VSTM2L: variants seen among roughly 807,000 people sequenced by gnomAD.
VSTM2L encodes the protein V-set and transmembrane domain containing 2 like, also known as V-set and transmembrane domain-containing protein 2-like protein.
A neutral mutation model predicts 19.9 loss-of-function variants in VSTM2L; 9 were observed. The observed-to-expected ratio is 0.45, with a 90% CI of 0.27 to 0.79. The LOEUF (loss-of-function observed/expected upper bound fraction) is 0.79, where lower values mean the gene tolerates loss of function less well. VSTM2L is among the 30% of genes least tolerant of loss of function. VSTM2L has a pLI of 0.15. For synonymous variants in VSTM2L, 127 were observed against 133.8 expected (o/e 0.95, Z 0.35); for missense variants, 286 against 295.5 (o/e 0.97, Z 0.24).
chr20:37,921,177 A>C (rs959029090), intron 1 of VSTM2L, among the ~76,000 whole-genome samples: 7 of 152,190 alleles, frequency 4.6e-5, no homozygotes, highest in Admixed American at 4.6e-4. Context: ...CAGGGCTTCC[A>C]CCCTAGCCTG....
At chr20:37,920,638 T>C (rs1355145478) in intron 1 of VSTM2L, among the ~76,000 whole-genome samples, 1 of 152,114 alleles carries the variant, frequency 6.6e-6, no homozygotes, top group Non-Finnish European at 1.5e-5. Flanking sequence ...AGAGGGACAG[T>C]GGGGAGGAGG....
At chr20:37,905,708 G>A (rs555892827) in intron 1 of VSTM2L, among the ~76,000 whole-genome samples, 2 of 152,146 alleles carry the variant, frequency 1.3e-5, no homozygotes, top group African/African-American at 4.8e-5. Flanking sequence ...ACATTGCCAG[G>A]TTCAAAGTCA....
intron 3 of VSTM2L, among the ~76,000 whole-genome samples, chr20:37,935,858 CA>C (rs2122973117): frequency 6.6e-6 from 1 of 151,108 alleles, no homozygotes; most frequent in South Asian, 2.1e-4. Flanking sequence ...ACGCCCAGGC[CA>C]ATGTGTGTGT....
intron 3 of VSTM2L, 75 bp downstream of exon 3, chr20:37,933,664 C>G: frequency 7.0e-7 from 1 of 1,432,884 alleles, no homozygotes; most frequent in Non-Finnish European, 9.7e-7. Flanking sequence ...AATTGGGGTC[C>G]AGTTCAGCAG....
chr20:37,944,442 C>T lies in VSTM2L; in HGVS notation c.*189C>T. Reference sequence around the variant, plus strand: ...TAAGCCCCACCCACCCCTGCCCTTTCAGACCCCTGCGGTGACCTGGCTCGG... The same window carrying T: ...TAAGCCCCACCCACCCCTGCCCTTTTAGACCCCTGCGGTGACCTGGCTCGG... On this transcript the variant is annotated 3_prime_UTR_variant, in exon 4 of 4. Coordinates refer to ENST00000373461, the MANE Select transcript of VSTM2L (RefSeq NM_080607.3). 1.7e-6 allele frequency: 1 copy of T among 603,668 alleles called. No individual in the cohort carries two copies. The highest frequency in any genetic ancestry group is 2.5e-6 in the Non-Finnish European group (1 of 395,354). The allele number at this position is 603,668 out of a possible 1,614,324, so 37.4% of individuals were successfully genotyped here.
chr20:37,916,942 T>C (rs2072821953), intron 1 of VSTM2L, among the ~76,000 whole-genome samples: 1 of 152,042 alleles, frequency 6.6e-6, no homozygotes, highest in South Asian at 2.1e-4. Flanking sequence ...AGTTTCCTTC[T>C]GGGGGGAAGA....
chr20:37,919,102 G>A (rs1166926281), intron 1 of VSTM2L, among the ~76,000 whole-genome samples: 3 of 152,290 alleles, frequency 2.0e-5, no homozygotes, highest in South Asian at 4.1e-4. Context: ...AGCCTGGCAC[G>A]GGGCCTGGCT....
chr20:37,944,315 G>T lies in VSTM2L; in HGVS notation c.*62G>T. The T allele has an allele frequency of 7.4e-7, 1 of 1,347,316 alleles. No individual in the cohort carries two copies. Among genetic ancestry groups the T allele is most frequent in the Admixed American group, 3.1e-5 (1 of 32,142 alleles). The allele number at this position is 1,347,316 out of a possible 1,614,324, so 83.5% of individuals were successfully genotyped here. On this transcript the variant is annotated 3_prime_UTR_variant, in exon 4 of 4. Coordinates refer to ENST00000373461, the MANE Select transcript of VSTM2L (RefSeq NM_080607.3). ...TGTACAGAGTGCATGAGGAGCCGCC[G>T]GACCACCGGGGACCGACTGCCTGCG...
intron 1 of VSTM2L, among the ~76,000 whole-genome samples, chr20:37,926,512 G>C (rs572236996): frequency 6.6e-6 from 1 of 152,288 alleles, no homozygotes; most frequent in South Asian, 2.1e-4. Context: ...CAGCACTCTA[G>C]CCTGGCGAAA....
intron 3 of VSTM2L, among the ~76,000 whole-genome samples, chr20:37,940,047 G>T (rs931139851): frequency 2.0e-5 from 3 of 152,184 alleles, no homozygotes; most frequent in African/African-American, 7.2e-5. Context: ...GCTGGGCCTC[G>T]CTTGGTGCTC....
chr20:37,941,088 G>A (rs1287776398), intron 3 of VSTM2L, among the ~76,000 whole-genome samples: 3 of 152,184 alleles, frequency 2.0e-5, no homozygotes, highest in African/African-American at 7.2e-5. Flanking sequence ...AAGGTCATGG[G>A]GTGGGTCCCT....
chr20:37,913,032 C>T (rs1485391610), intron 1 of VSTM2L, among the ~76,000 whole-genome samples: 2 of 152,114 alleles, frequency 1.3e-5, no homozygotes, highest in African/African-American at 2.4e-5. Flanking sequence ...CAGCTCTCTT[C>T]GATGACATCT....
rs539309754 is a variant in VSTM2L at position 37,925,828 on chromosome 20, C to G, written c.122-5807C>G. On this transcript the variant is annotated intron_variant, in intron 1 of 3. Transcript: ENST00000373461. ...CGCTTGGCTCCCATGAGGCCTTGAA[C>G]CTGCTTCTCTCCCTGTCCTCCTACC... Among the ~76,000 whole-genome samples, 401 of 152,284 alleles carry G rather than the reference C, an allele frequency of 2.6e-3. 6 individuals are homozygous for G. The highest frequency in any genetic ancestry group is 2.3e-3 in the Non-Finnish European group (156 of 68,012).
intron 1 of VSTM2L, among the ~76,000 whole-genome samples, chr20:37,926,563 T>C (rs2072880467): frequency 1.3e-5 from 2 of 152,106 alleles, no homozygotes; most frequent in African/African-American, 2.4e-5. Context: ...AAAAGAGAAA[T>C]ATTTAGGTTG....
intron 1 of VSTM2L, among the ~76,000 whole-genome samples, chr20:37,923,787 C>G (rs997217703): frequency 6.6e-6 from 1 of 152,082 alleles, no homozygotes; most frequent in African/African-American, 2.4e-5. Flanking sequence ...CACTTAGAGC[C>G]CTCTAGAACT....
At position 37,932,532 on chromosome 20, in the gene VSTM2L, C is replaced by T. The variant is rs139036053; in HGVS notation, c.291+728C>T. Among the ~76,000 whole-genome samples the T allele has an allele frequency of 1.5e-3, 227 of 152,256 alleles. 2 individuals carry two copies. The highest frequency in any genetic ancestry group is 5.2e-3 in the African/African-American group (217 of 41,526). The stretch of plus-strand genomic sequence containing the variant: ...CAAAGTTGGAGGATGAATGCCTCAG[C>T]TCCCTCGCCCTTAGCTGGGACAACC... On this transcript the variant is annotated intron_variant, in intron 2 of 3. Coordinates refer to ENST00000373461, the MANE Select transcript of VSTM2L (RefSeq NM_080607.3).
At chr20:37,933,782 C>CA (rs1333723212) in intron 3 of VSTM2L, among the ~76,000 whole-genome samples, 193 bp downstream of exon 3, 1 of 152,124 alleles carries the variant, frequency 6.6e-6, no homozygotes, top group East Asian at 1.9e-4. Flanking sequence ...ATGATGGGCA[C>CA]AAAAAATGAC....
intron 2 of VSTM2L, among the ~76,000 whole-genome samples, chr20:37,933,258 A>C (rs956717248): frequency 1.3e-5 from 2 of 152,312 alleles, no homozygotes; most frequent in African/African-American, 4.8e-5. Context: ...CACTCCCTCC[A>C]ATATATACCA....
Position 37,909,216 on chromosome 20 carries a change from G to A in VSTM2L, c.121+5745G>A, listed in dbSNP as rs374112366. On this transcript the variant is annotated intron_variant, in intron 1 of 3. Coordinates refer to ENST00000373461, the MANE Select transcript of VSTM2L (RefSeq NM_080607.3). ...GCAGTGGGAACAGAATGCTATCCCA[G>A]CGACCCTCCAACTTCCCTCGATTTT... 2.4e-4 allele frequency among the ~76,000 whole-genome samples: 36 copies of A among 152,334 alleles called. 2 individuals carry two copies. The highest frequency in any genetic ancestry group is 1.6e-3 in the Admixed American group (25 of 15,304).
Sources: allele counts gnomAD v4.1 joint callset (sites outside exome capture counted in the v4.1 genomes callset), GRCh38; gene constraint gnomAD v4.1.1; transcripts MANE v1.5; gene names NCBI Gene and HGNC (gene_info 2026-07-23, HGNC 2026-07-21).